Variants in PDE9A observed in about 807,000 individuals in gnomAD.
PDE9A encodes high affinity cGMP-specific 3',5'-cyclic phosphodiesterase 9A.
In PDE9A, 60 loss-of-function variants were observed where a neutral mutation model predicts 87.4. The observed-to-expected ratio is 0.69, with a 90% confidence interval of 0.56 to 0.85. The LOEUF (loss-of-function observed/expected upper bound fraction) is 0.85, where lower values mean the gene tolerates loss of function less well. Among genes scored for constraint, PDE9A ranks in the 40% least tolerant of loss-of-function variants. The pLI is 0.00. For missense variants in PDE9A, 665 were observed against 779.0 expected, an observed-to-expected ratio of 0.85 and a Z score of 1.74; for synonymous variants, 272 against 279.4, an observed-to-expected ratio of 0.97 and a Z score of 0.27.
At chr21:42,754,781 C>T (rs1187023802) in intron 10 of PDE9A, among the ~76,000 whole-genome samples, 3 of 152,136 alleles carry the variant, frequency 2.0e-5, no homozygotes, top group African/African-American at 4.8e-5. Context: ...TTGTCTTTTG[C>T]CTGCCGCCAT....
rs2057118022 is a variant in PDE9A at position 42,772,543 on chromosome 21, G to A, written c.1768+23G>A. On this transcript the variant is annotated intron_variant, in intron 19 of 19. Coordinates refer to ENST00000291539, the MANE Select transcript of PDE9A (RefSeq NM_002606.3). ...AAGGTAATGCTTGCTCTGCTGAAGT[G>A]GCATCTCAGCGCATACAATGATTCT... 7 of 1,493,998 alleles carry A rather than the reference G, an allele frequency of 4.7e-6. No individual in the cohort carries two copies. In the South Asian group the frequency reaches 7.1e-5, roughly 15 times the overall value. The allele number at this position is 1,493,998 out of a possible 1,614,324, so 92.5% of individuals were successfully genotyped here.
intron 7 of PDE9A, among the ~76,000 whole-genome samples, chr21:42,737,114 A>G (rs970186237): frequency 6.6e-6 from 1 of 152,234 alleles, no homozygotes; most frequent in African/African-American, 2.4e-5. Flanking sequence ...AGCTTCTCAG[A>G]AGGTCAGTCC....
chr21:42,714,122 C>T (rs1569188584), intron 4 of PDE9A, among the ~76,000 whole-genome samples: 1 of 150,922 alleles, frequency 6.6e-6, no homozygotes, highest in East Asian at 1.9e-4. Flanking sequence ...GGGTTCACGC[C>T]ATTCTCCTGC....
chr21:42,726,624 A>ATATATATATATTTTTTTT, intron 4 of PDE9A, among the ~76,000 whole-genome samples: 4 of 19,768 alleles, frequency 2.0e-4, no homozygotes, highest in Admixed American at 8.2e-4. Flanking sequence ...ATATATATAT[A>ATATATATATATTTTTTTT]TTTTTTTTTT....
intron 13 of PDE9A, among the ~76,000 whole-genome samples, chr21:42,761,260 C>A (rs137948642): frequency 4.7e-4 from 71 of 152,372 alleles, no homozygotes; most frequent in African/African-American, 1.7e-3. Flanking sequence ...GCTCCACACC[C>A]CCCTCTCAGG....
At chr21:42,751,313 C>G in intron 9 of PDE9A, 116 bp downstream of exon 9, 1 of 773,420 alleles carries the variant, frequency 1.3e-6, no homozygotes, top group East Asian at 2.4e-5. Flanking sequence ...CCGCCCCTCC[C>G]AGCCCTGGGC....
chr21:42,733,381 G>C lies in PDE9A; in HGVS notation c.523G>C (p.Ala175Pro). ...SRAFKINELKAEVANHLAVLE... is the reference protein window; with the variant it reads ...SRAFKINELKPEVANHLAVLE... ...AGCATTCAAAATCAATGAACTGAAA[G>C]CTGAAGTTGCAAATCACTTGGCTGT... Residue 175 changes from alanine (A) to proline (P), a missense_variant, in exon 7 of 20, where the codon GCT (alanine) becomes CCT (proline). Physicochemically the swap from Ala to Pro is conservative, Grantham distance 27. Coordinates refer to ENST00000291539, the MANE Select transcript of PDE9A (RefSeq NM_002606.3). 1 of 1,601,550 alleles carries C rather than the reference G, an allele frequency of 6.2e-7. No homozygotes were observed. Among genetic ancestry groups the C allele is most frequent in the Non-Finnish European group, 8.6e-7 (1 of 1,168,494 alleles).
chr21:42,698,247 T>TA (rs2146312961), intron 3 of PDE9A, among the ~76,000 whole-genome samples: 1 of 152,326 alleles, frequency 6.6e-6, no homozygotes, highest in Admixed American at 6.5e-5. Flanking sequence ...GCACCTCTCT[T>TA]ACCAGGTTTC....
In PDE9A at chr21:42,760,941, A is replaced by G; in HGVS notation, c.1085+34A>G. 7.1e-7 allele frequency: 1 copy of G among 1,405,548 alleles called. No homozygotes were observed. The highest frequency in any genetic ancestry group is 2.3e-5 in the East Asian group (1 of 43,864). 87.1% of individuals were successfully genotyped at this position (1,405,548 alleles called of 1,614,324 possible). On this transcript the variant is annotated intron_variant, in intron 13 of 19. Coordinates refer to ENST00000291539, the MANE Select transcript of PDE9A (RefSeq NM_002606.3). This position sits in a 1 kb window ranked among gnomAD's most constrained non-coding sequence, Gnocchi z 5.2. ...AGGATTTTCTCTTTTTTTCCTTTTA[A>G]AAGGCACCCTGGCTACTGGAGGGAA...
chr21:42,774,571 C>T (rs1455988016), intron 19 of PDE9A, among the ~76,000 whole-genome samples: 1 of 152,032 alleles, frequency 6.6e-6, no homozygotes, highest in African/African-American at 2.4e-5. Context: ...TATCTGATGG[C>T]CTCTTTCTTT....
At chr21:42,749,231 A>G (rs1333940591) in intron 8 of PDE9A, among the ~76,000 whole-genome samples, 2 of 152,232 alleles carry the variant, frequency 1.3e-5, no homozygotes, top group Non-Finnish European at 2.9e-5. Flanking sequence ...CTCTCCCAGA[A>G]GAAGGGGCTT....
chr21:42,729,193 C>T (rs1018105324), intron 4 of PDE9A, among the ~76,000 whole-genome samples: 1 of 151,958 alleles, frequency 6.6e-6, no homozygotes, highest in Non-Finnish European at 1.5e-5. Flanking sequence ...GTTTAAATTA[C>T]CTGTTTGATA....
At chr21:42,770,647 G>A (rs753469324) in intron 17 of PDE9A, 56 bp from the exon 18 acceptor site, 36 of 1,391,408 alleles carry the variant, frequency 2.6e-5, no homozygotes, top group Middle Eastern at 1.8e-4. Flanking sequence ...TTTCTCCGAC[G>A]TTTCCCATTG....
rs373387796 is a variant in PDE9A at position 42,731,907 on chromosome 21, G to A, written c.400G>A (p.Glu134Lys). ...ESGQVEPRPR[E>K]PQGCYQEGQR... ...TGGACAGGTAGAGCCCAGGCCCAGA[G>A]AGCCCCAGGGCTGCTACCAGGAAGG... is the stretch of plus-strand genomic sequence containing the variant. Residue 134 changes from glutamate (E) to lysine (K), a missense_variant, in exon 5 of 20, where the codon GAG becomes AAG. By Grantham distance (56) the Glu-to-Lys change is moderately conservative (BLOSUM62 1). Transcript: ENST00000291539. 2.8e-5 allele frequency: 45 copies of A among 1,614,026 alleles called. No homozygotes were observed. The highest frequency in any genetic ancestry group is 6.7e-5 in the Admixed American group (4 of 60,010).
chr21:42,689,915 T>A (rs2059696828), intron 3 of PDE9A: 1 of 984,764 alleles, frequency 1.0e-6, no homozygotes, highest in Non-Finnish European at 1.2e-6. Context: ...GCGAAGAAGA[T>A]GGAGACACAC....
intron 1 of PDE9A, among the ~76,000 whole-genome samples, chr21:42,666,568 C>A (rs369228403): frequency 6.6e-6 from 1 of 152,316 alleles, no homozygotes; most frequent in East Asian, 1.9e-4. Context: ...CCAAGGCCCT[C>A]GCGGTCTGAA....
In PDE9A at chr21:42,699,017, G is replaced by T. The variant is rs148046897; in HGVS notation, c.262+6G>T. 1.0e-4 allele frequency: 162 copies of T among 1,603,554 alleles called. No homozygotes were observed. In the East Asian group the frequency reaches 2.8e-3, roughly 28 times the overall value. The stretch of plus-strand genomic sequence containing the variant: ...GGCCATCAAGCAACTCTCCGGTAAG[G>T]CCCTGCTGTCGTTTTTTAAACTAAA... On this transcript the variant is annotated splice_donor_region_variant and intron_variant, in intron 4 of 19. Coordinates refer to ENST00000291539, the MANE Select transcript of PDE9A (RefSeq NM_002606.3).
In PDE9A at chr21:42,661,940, T is replaced by A. The variant is rs565177265; in HGVS notation, c.69+8057T>A. ...CACGGAGCTCAGCTACCAGCCCTGG[T>A]GGAGAGCGCAGATGGGGCCGATTTG... On this transcript the variant is annotated intron_variant, in intron 1 of 19. Transcript: ENST00000291539. Among the ~76,000 whole-genome samples the A allele has an allele frequency of 6.1e-4, 93 of 152,276 alleles. 1 individual carries two copies. The highest frequency in any genetic ancestry group is 1.2e-3 in the Non-Finnish European group (83 of 68,010).
At position 42,760,210 on chromosome 21, in the gene PDE9A, G is replaced by C. The variant is rs1405985918; in HGVS notation, c.898-118G>C. ...AAACCTGGAACACTGTTGACCTCTG[G>C]TTGGGATGAGGGTTTGGCAGAGAAT... On this transcript the variant is annotated intron_variant, in intron 11 of 19. Transcript: ENST00000291539. The surrounding 1 kb of genome is among the most constrained non-coding windows in gnomAD (Gnocchi z 5.2). 6 of 668,868 alleles carry C rather than the reference G, an allele frequency of 9.0e-6. No individual in the cohort carries two copies. Among genetic ancestry groups the C allele is most frequent in the Non-Finnish European group, 1.6e-5 (6 of 366,800 alleles). The allele number at this position is 668,868 out of a possible 1,614,324, so 41.4% of individuals were successfully genotyped here. A position where few individuals can be genotyped will look rare whatever the true frequency, so the allele number is the denominator to read the frequency against.
Sources: gnomAD v4.1 joint callset for allele counts (sites outside exome capture counted in the v4.1 genomes callset) on GRCh38, gnomAD v4.1.1 for gene constraint, Gnocchi (gnomAD v3.1) non-coding constraint, MANE v1.5 for transcripts, NCBI Gene and HGNC (gene_info 2026-07-23, HGNC 2026-07-21) for gene names.